PHEX: variants seen among roughly 807,000 people sequenced by gnomAD.
PHEX encodes phosphate regulating endopeptidase X-linked.
PHEX carries 16 observed loss-of-function variants against 68.0 expected under a neutral mutation model. That is an observed-to-expected ratio of 0.24 (90% confidence interval 0.16 to 0.36). The LOEUF (loss-of-function observed/expected upper bound fraction) is 0.36, where lower values mean the gene tolerates loss of function less well. PHEX is among the 10% of genes least tolerant of loss of function. The pLI is 1.00. For missense variants in PHEX, 480 were observed against 575.5 expected (o/e 0.83, Z 1.70); for synonymous variants, 208 against 205.1 (o/e 1.01, Z -0.12).
At position 22,034,218 on chromosome X, in the gene PHEX, C is replaced by T. The variant is rs774719478; in HGVS notation, c.118+1095C>T. The stretch of plus-strand genomic sequence containing the variant: ...CACTTAGGGTTTAAACAAGGGTCCT[C>T]TGCTGAAATTCCAAACAAGAGGAAA... On this transcript the variant is annotated intron_variant, in intron 1 of 21. Coordinates refer to ENST00000379374, the MANE Select transcript of PHEX (RefSeq NM_000444.6). Among the ~76,000 whole-genome samples the T allele has an allele frequency of 3.3e-4, 37 of 112,150 alleles. No homozygotes were observed. In the South Asian group the frequency reaches 0.013, roughly 41 times the overall value.
intron 9 of PHEX, among the ~76,000 whole-genome samples, chrX:22,100,467 G>A (rs982310162): frequency 5.4e-5 from 6 of 111,717 alleles, no homozygotes; most frequent in African/African-American, 2.0e-4. Flanking sequence ...ATTGAGTTAC[G>A]GAGCACATTT....
intron 3 of PHEX, among the ~76,000 whole-genome samples, chrX:22,066,726 C>A (rs1473050568): frequency 8.9e-6 from 1 of 112,081 alleles, no homozygotes; most frequent in Non-Finnish European, 1.9e-5. Flanking sequence ...GTGGTTTGAA[C>A]AGCCAGGAAT....
chrX:22,227,368 G>A lies in PHEX; in HGVS notation c.1966-139G>A. 9 of 515,213 alleles carry A rather than the reference G, an allele frequency of 1.7e-5. No homozygotes were observed. The Admixed American group carries it at 2.4e-4, about 14-fold the overall frequency. The allele number at this position is 515,213 out of a possible 1,213,427, so 42.5% of individuals were successfully genotyped here. A position where few individuals can be genotyped will look rare whatever the true frequency, so the allele number is the denominator to read the frequency against. On this transcript the variant is annotated intron_variant, in intron 19 of 21. Transcript: ENST00000379374. The stretch of plus-strand genomic sequence containing the variant: ...GCCTCACTGGTAAGCAACAGGACAT[G>A]GACTTGTGTTTCTTAAGAAAATTTT...
Position 22,142,362 on chromosome X carries a change from A to G in PHEX, c.1404+8738A>G, listed in dbSNP as rs1300623025. On this transcript the variant is annotated intron_variant, in intron 12 of 21. Coordinates refer to ENST00000379374, the MANE Select transcript of PHEX (RefSeq NM_000444.6). ...TTGCATGTTTAGGTTGTGCTGTTAT[A>G]GTTATTACTATGATACACATCTTTT... 8.0e-5 allele frequency among the ~76,000 whole-genome samples: 9 copies of G among 112,270 alleles called. No individual in the cohort carries two copies. The Admixed American group carries it at 8.5e-4, about 11-fold the overall frequency.
At chrX:22,118,232 C>A (rs867500690) in intron 11 of PHEX, among the ~76,000 whole-genome samples, 1 of 102,497 alleles carries the variant, frequency 9.8e-6, no homozygotes, top group East Asian at 3.0e-4. Flanking sequence ...TGGGGTAGGA[C>A]CCAAGAATTT....
At chrX:22,213,507 G>A (rs1405813245) in intron 16 of PHEX, among the ~76,000 whole-genome samples, 1 of 111,921 alleles carries the variant, frequency 8.9e-6, no homozygotes, top group Non-Finnish European at 1.9e-5. Context: ...TTTATCTTTA[G>A]AAATATAACC....
intron 12 of PHEX, among the ~76,000 whole-genome samples, chrX:22,143,361 T>C (rs1203684249): frequency 8.9e-6 from 1 of 112,200 alleles, no homozygotes; most frequent in Admixed American, 9.5e-5. Flanking sequence ...ACTTGATCAT[T>C]ACACATTCTA....
chrX:22,153,955 A>T (rs1932899502), intron 12 of PHEX, among the ~76,000 whole-genome samples: 1 of 111,202 alleles, frequency 9.0e-6, no homozygotes, highest in South Asian at 3.8e-4. Context: ...CATCTCTAAG[A>T]TCCTGAGGTA....
At chrX:22,130,275 C>G (rs1437188644) in intron 11 of PHEX, among the ~76,000 whole-genome samples, 1 of 111,730 alleles carries the variant, frequency 9.0e-6, no homozygotes, top group Non-Finnish European at 1.9e-5. Context: ...TGTGGTGGCT[C>G]ACGCCTGTAA....
At chrX:22,212,578 C>T (rs1024789959) in intron 15 of PHEX, among the ~76,000 whole-genome samples, 8 of 112,049 alleles carry the variant, frequency 7.1e-5, no homozygotes, top group African/African-American at 1.9e-4. Context: ...CCCACGAAGC[C>T]GGCCCTTTCT....
chrX:22,038,584 T>G, intron 2 of PHEX, 47 bp downstream of exon 2: 4 of 822,059 alleles, frequency 4.9e-6, no homozygotes, highest in Non-Finnish European at 7.4e-6. Context: ...TTATGGTACC[T>G]TGGGAAGTGG....
At chrX:22,177,516 G>A (rs1395268946) in intron 13 of PHEX, among the ~76,000 whole-genome samples, 7 of 111,400 alleles carry the variant, frequency 6.3e-5, no homozygotes, top group African/African-American at 9.8e-5. Context: ...AATGGAAACC[G>A]TCTGCCATTC....
chrX:22,185,403 C>T (rs781093186), intron 14 of PHEX, among the ~76,000 whole-genome samples: 1 of 112,230 alleles, frequency 8.9e-6, no homozygotes, highest in Non-Finnish European at 1.9e-5. Context: ...ATAAGCTGTG[C>T]AAACTCAGAT....
chrX:22,219,907 G>A (rs1221953373), intron 17 of PHEX, among the ~76,000 whole-genome samples: 4 of 111,884 alleles, frequency 3.6e-5, no homozygotes, highest in Non-Finnish European at 7.5e-5. Flanking sequence ...ATGAGCTACC[G>A]CGCCTGGCCT....
intron 3 of PHEX, among the ~76,000 whole-genome samples, chrX:22,053,714 G>A (rs1469526688): frequency 9.0e-6 from 1 of 111,646 alleles, no homozygotes; most frequent in Admixed American, 9.6e-5. Context: ...ATGACTCAAG[G>A]TACGGCCAGA....
chrX:22,218,558 A>C (rs1389751342), intron 16 of PHEX, among the ~76,000 whole-genome samples: 1 of 112,012 alleles, frequency 8.9e-6, no homozygotes, highest in African/African-American at 3.2e-5. Context: ...TTTAATCTCT[A>C]CTCTATTCCT....
rs182654518 is a variant in PHEX at position 22,248,314 on chromosome X, T to C, written c.*361T>C. On this transcript the variant is annotated 3_prime_UTR_variant, in exon 22 of 22. Transcript: ENST00000379374. ...TCTATAGCTTTGTGGGAAGCCTAAA[T>C]TGATGTATCCTTTAAAAGTTCAATC... 40 of 215,971 alleles carry C rather than the reference T, an allele frequency of 1.9e-4. 1 individual carries two copies. In the East Asian group the frequency reaches 4.1e-3, roughly 22 times the overall value. The allele number at this position is 215,971 out of a possible 1,213,427, so 17.8% of individuals were successfully genotyped here.
At chrX:22,235,371 G>A (rs1935938349) in intron 20 of PHEX, among the ~76,000 whole-genome samples, 1 of 112,263 alleles carries the variant, frequency 8.9e-6, no homozygotes, top group South Asian at 3.7e-4. Flanking sequence ...GTTTTAGACA[G>A]TTTGGGCTGC....
At position 22,234,444 on chromosome X, in the gene PHEX, C is replaced by CTT. The variant is rs754611394; in HGVS notation, c.2070+6842_2070+6843dup. On this transcript the variant is annotated intron_variant, in intron 20 of 21. Coordinates refer to ENST00000379374, the MANE Select transcript of PHEX (RefSeq NM_000444.6). ...ATAATTCCCTGACTGGGGCTGTTGCCTTTTTTTTTTAGAGATGCCCTGCCC... is the reference window on the plus strand; with the variant it reads ...ATAATTCCCTGACTGGGGCTGTTGCCTTTTTTTTTTTTAGAGATGCCCTGCCC... Among the ~76,000 whole-genome samples the CTT allele has an allele frequency of 5.6e-3, 590 of 105,811 alleles. 8 individuals are homozygous for CTT. Among genetic ancestry groups the CTT allele is most frequent in the African/African-American group, 0.019 (567 of 29,235 alleles). The allele number at this position is 105,811 out of a possible 115,157, so 91.9% of individuals were successfully genotyped here.
Sources: gnomAD v4.1 joint callset for allele counts (sites outside exome capture counted in the v4.1 genomes callset) on GRCh38, gnomAD v4.1.1 for gene constraint, MANE v1.5 for transcripts, NCBI Gene and HGNC (gene_info 2026-07-23, HGNC 2026-07-21) for gene names.